The following CHTF18 variants were observed in gnomAD, a reference collection of about 807,000 sequenced individuals.
The protein encoded by CHTF18 is chromosome transmission fidelity factor 18.
Under a neutral mutation model 113.4 loss-of-function variants are expected in CHTF18, and 151 were observed. That is an observed-to-expected ratio of 1.33 (90% CI 1.17 to 1.52). The LOEUF (loss-of-function observed/expected upper bound fraction) is 1.52, where lower values mean the gene tolerates loss of function less well. Ranked by LOEUF, CHTF18 falls within the 40% of genes most tolerant of loss-of-function variation. The pLI is 0.00. For synonymous variants in CHTF18, 916 were observed against 598.8 expected, an observed-to-expected ratio of 1.53 and a Z score of -7.74; for missense variants, 1,982 against 1,381.6, an observed-to-expected ratio of 1.43 and a Z score of -6.89.
chr16:790,240 G>A lies in CHTF18; in HGVS notation c.670G>A (p.Ala224Thr), dbSNP rs374655699. Reference protein sequence around the residue: ...GQLDLLGVSLASLKKQVDGER... With the variant: ...GQLDLLGVSLTSLKKQVDGER... Reference sequence around the variant, plus strand: ...GCTGGACCTGCTGGGTGTGTCCTTAGCCTCCCTGAAGAAGCAGGTCGACGG... The same window carrying A: ...GCTGGACCTGCTGGGTGTGTCCTTAACCTCCCTGAAGAAGCAGGTCGACGG... Residue 224 changes from alanine to threonine, a missense_variant, in exon 5 of 22, where the codon GCC becomes ACC. By Grantham distance (58) the Ala-to-Thr change is moderately conservative (BLOSUM62 0). Coordinates refer to ENST00000262315, the MANE Select transcript of CHTF18 (RefSeq NM_022092.3). 1 of 1,606,866 alleles carries A rather than the reference G, an allele frequency of 6.2e-7. No homozygotes were observed. The highest frequency in any genetic ancestry group is 8.5e-7 in the Non-Finnish European group (1 of 1,177,598).
At position 794,216 on chromosome 16, in the gene CHTF18, C is replaced by A; in HGVS notation, c.1950+15C>A. 1.2e-6 allele frequency: 2 copies of A among 1,607,040 alleles called. No individual in the cohort carries two copies. The highest frequency in any genetic ancestry group is 1.7e-6 in the Non-Finnish European group (2 of 1,175,522). The stretch of plus-strand genomic sequence containing the variant: ...AGGTGGTCCAGGTACCTGTCTTCCA[C>A]CAAAATGCCTGCCTGGGGCCGCCTG... On this transcript the variant is annotated intron_variant, in intron 15 of 21. Coordinates refer to ENST00000262315, the MANE Select transcript of CHTF18 (RefSeq NM_022092.3).
rs888687893 is a variant in CHTF18, at chr16:789,742, G to A, written c.606+27G>A. 2.6e-6 allele frequency: 4 copies of A among 1,557,730 alleles called. No individual in the cohort carries two copies. In the South Asian group the frequency reaches 4.7e-5, roughly 18 times the overall value. ...TGCGTGGCTGTGGCCTTCCTGCACG[G>A]TGGGTGGGCCAGTGCTGCTCAGGAA... On this transcript the variant is annotated intron_variant, in intron 4 of 21. Transcript: ENST00000262315.
Position 792,733 on chromosome 16 carries a change from G to A in CHTF18, c.1494G>A (p.Leu498=), listed in dbSNP as rs1446372071. 2 of 1,557,622 alleles carry A rather than the reference G, an allele frequency of 1.3e-6. No individual in the cohort carries two copies. The highest frequency in any genetic ancestry group is 1.7e-6 in the Non-Finnish European group (2 of 1,156,082). ...CTCTCCTCAGGTTCGCACCGTCCCTGCGGCAGCTGAAGCAGCAGGCCTTCC... is the reference window on the plus strand; with the variant it reads ...CTCTCCTCAGGTTCGCACCGTCCCTACGGCAGCTGAAGCAGCAGGCCTTCC... The part of the protein sequence containing the change: ...CICNDQFAPS[L]RQLKQQAFLL... The change falls in exon 12 of 22, where the codon CTG becomes CTA. Residue 498 remains leucine, a synonymous_variant. Coordinates refer to ENST00000262315, the MANE Select transcript of CHTF18 (RefSeq NM_022092.3).
rs530388074 is a variant in CHTF18, at chr16:790,092, C to T, written c.607-85C>T. 856 of 1,539,272 alleles carry T rather than the reference C, an allele frequency of 5.6e-4. 1 individual carries two copies. The highest frequency in any genetic ancestry group is 6.3e-4 in the Admixed American group (32 of 51,026). ...GGCCAGCTTACTGGGGTTGTCCCAC[C>T]CGGGTCCCTGAGCACTGATGGGGGC... On this transcript the variant is annotated intron_variant, in intron 4 of 21. Transcript: ENST00000262315.
chr16:795,761 G>A lies in CHTF18; in HGVS notation c.2252G>A (p.Arg751Gln), dbSNP rs200036540. The A allele has an allele frequency of 2.6e-4, 413 of 1,608,566 alleles. No individual in the cohort carries two copies. In the African/African-American group the frequency reaches 4.8e-3, roughly 19 times the overall value. ...GGCATCGCGCCAGCCACGCGCAGCCGGGCCACGCCCCAGGCCCTGCTCCTC... is the reference window on the plus strand; with the variant it reads ...GGCATCGCGCCAGCCACGCGCAGCCAGGCCACGCCCCAGGCCCTGCTCCTC... ...VSGIAPATRS[R>Q]ATPQALLLDA... The change falls in exon 17 of 22, where the codon CGG becomes CAG. Residue 751 changes from arginine to glutamine, a missense_variant. Arg to Gln is a conservative substitution (Grantham distance 43). Transcript: ENST00000262315.
chr16:796,413 G>A (rs962152663), intron 18 of CHTF18, among the ~76,000 whole-genome samples: 2 of 152,224 alleles, frequency 1.3e-5, no homozygotes, highest in Non-Finnish European at 2.9e-5. Context: ...GAGGCATGGG[G>A]CAGTGGCCCC....
rs115699849 is a variant in CHTF18, at chr16:793,200, C to A, written c.1728C>A (p.Arg576=). ...GCGTGCGGGACGTGCAGGCCACACG[C>A]GTGGGCCTCAAGGACCAGCGCAGAG... ...ELSVRDVQAT[R]VGLKDQRRGL... is the part of the protein sequence containing the mutation. Residue 576 remains arginine, a synonymous_variant, in exon 14 of 22, where the codon CGC becomes CGA. Transcript: ENST00000262315. 43 of 1,608,906 alleles carry A rather than the reference C, an allele frequency of 2.7e-5. No homozygotes were observed. In the African/African-American group the frequency reaches 4.9e-4, roughly 18 times the overall value.
chr16:788,690 G>A lies in CHTF18; in HGVS notation c.6G>A (p.Glu2=). 1 of 1,592,528 alleles carries A rather than the reference G, an allele frequency of 6.3e-7. No individual in the cohort carries two copies. The highest frequency in any genetic ancestry group is 1.4e-5 in the African/African-American group (1 of 73,242). ...AGCTCGGGCTCGCGGACGGTATGGA[G>A]GACTACGAGCAGGAGCTGTGCGGCG... The part of the protein sequence containing the change: M[E]DYEQELCGVE... The change falls in exon 1 of 22, where the codon GAG becomes GAA. Residue 2 remains glutamate (E), a synonymous_variant. Coordinates refer to ENST00000262315, the MANE Select transcript of CHTF18 (RefSeq NM_022092.3).
intron 3 of CHTF18, 66 bp from the exon 4 acceptor site, chr16:789,481 G>C: frequency 1.3e-6 from 2 of 1,544,288 alleles, no homozygotes; most frequent in East Asian, 2.3e-5. Context: ...GAGCAGTCTC[G>C]GACACCCATA....
At chr16:796,148 C>T (rs1204459626) in intron 18 of CHTF18, 71 bp downstream of exon 18, 8 of 1,539,470 alleles carry the variant, frequency 5.2e-6, no homozygotes, top group Non-Finnish European at 7.0e-6. Flanking sequence ...TCAGGGCCCG[C>T]ATGGGGCCAG....
chr16:797,960 C>A lies in CHTF18; in HGVS notation c.2913C>A (p.Ile971=). 6.2e-7 allele frequency: 1 copy of A among 1,611,900 alleles called. No individual in the cohort carries two copies. Among genetic ancestry groups the A allele is most frequent in the Non-Finnish European group, 8.5e-7 (1 of 1,179,428 alleles). The change falls in exon 22 of 22, where the codon ATC becomes ATA. Residue 971 remains isoleucine (I), a synonymous_variant. Coordinates refer to ENST00000262315, the MANE Select transcript of CHTF18 (RefSeq NM_022092.3). ...VSNAVRRSLY[I]RDLL ...ACGCCGTGCGGCGCAGCCTGTACAT[C>A]AGGGACTTGCTCTAGTTCTCTGAGC...
chr16:793,931 G>A (rs760353386), intron 14 of CHTF18, 123 bp from the exon 15 acceptor site: 7 of 1,110,322 alleles, frequency 6.3e-6, no homozygotes, highest in Admixed American at 2.2e-5. Context: ...GGCAGCAAGG[G>A]CCCTGCTGAG....
rs377531170 is a variant in CHTF18 at position 792,308 on chromosome 16, C to T, written c.1287C>T (p.Pro429=). Residue 429 remains proline, a synonymous_variant, in exon 10 of 22, where the codon CCC becomes CCT. Transcript: ENST00000262315. ...CGGTGCTGGGTGCTGGCGGGAAGCC[C>T]AACTGCCTGGTCATCGATGAGATCG... is the stretch of plus-strand genomic sequence containing the variant. ...MESVLGAGGK[P]NCLVIDEIDG... 14 of 1,553,698 alleles carry T rather than the reference C, an allele frequency of 9.0e-6. No individual in the cohort carries two copies. Among genetic ancestry groups the T allele is most frequent in the Admixed American group, 1.9e-5 (1 of 51,368 alleles).
At chr16:794,004 T>C (rs751245572) in intron 14 of CHTF18, 50 bp from the exon 15 acceptor site, 2 of 1,580,532 alleles carry the variant, frequency 1.3e-6, no homozygotes, top group Admixed American at 3.4e-5. Flanking sequence ...CGGGTGGGGC[T>C]GCCTGTGCTT....
rs765287113 is a variant in CHTF18 at position 796,832 on chromosome 16, G to A, written c.2572G>A (p.Ala858Thr). Reference protein sequence around the residue: ...IEVEKMRRAEASARVENSPQV... With the variant: ...IEVEKMRRAETSARVENSPQV... ...GGTGGAGAAGATGCGGCGGGCGGAG[G>A]CTTCTGCCCGGGTAGAGAACAGCCC... The change falls in exon 19 of 22, where the codon GCT becomes ACT. Residue 858 changes from alanine to threonine, a missense_variant. Ala to Thr is a moderately conservative substitution (Grantham distance 58, BLOSUM62 0). Transcript: ENST00000262315. 3 of 1,607,192 alleles carry A rather than the reference G, an allele frequency of 1.9e-6. No homozygotes were observed. Among genetic ancestry groups the A allele is most frequent in the Non-Finnish European group, 2.5e-6 (3 of 1,178,758 alleles).
At chr16:797,808 A>G (rs1419987045) in intron 21 of CHTF18, 31 bp from the exon 22 acceptor site, 3 of 1,588,366 alleles carry the variant, frequency 1.9e-6, no homozygotes, top group Non-Finnish European at 2.6e-6. Context: ...GGGGGGCCTT[A>G]CAGCTGAGGA....
rs575116520 is a variant in CHTF18, at chr16:788,653, G to A, written c.-32G>A. Reference sequence around the variant, plus strand: ...CGCGACGGCGGCGGCGGCGCGGGAGGTTCGGAGCGGGAGCTCGGGCTCGCG... The same window carrying A: ...CGCGACGGCGGCGGCGGCGCGGGAGATTCGGAGCGGGAGCTCGGGCTCGCG... On this transcript the variant is annotated 5_prime_UTR_variant, in exon 1 of 22. Transcript: ENST00000262315. 11 of 1,487,056 alleles carry A rather than the reference G, an allele frequency of 7.4e-6. No homozygotes were observed. The highest frequency in any genetic ancestry group is 2.3e-5 in the Admixed American group (1 of 42,602). 92.1% of individuals were successfully genotyped at this position (1,487,056 alleles called of 1,614,324 possible).
rs1278103123 is a variant in CHTF18 at position 789,151 on chromosome 16, C to T, written c.286+26C>T. Reference sequence around the variant, plus strand: ...GTAGGTTGGCGGCATTGCCCCAGGGCCTCCGGAGTGGGCGCGAGGCTGAGG... The same window carrying T: ...GTAGGTTGGCGGCATTGCCCCAGGGTCTCCGGAGTGGGCGCGAGGCTGAGG... On this transcript the variant is annotated intron_variant, in intron 2 of 21. Transcript: ENST00000262315. 7 of 1,549,428 alleles carry T rather than the reference C, an allele frequency of 4.5e-6. No homozygotes were observed. The East Asian group carries it at 7.3e-5, about 16-fold the overall frequency.
intron 20 of CHTF18, 65 bp from the exon 21 acceptor site, chr16:797,629 T>C: frequency 6.4e-7 from 1 of 1,564,658 alleles, no homozygotes; most frequent in Non-Finnish European, 8.8e-7. Context: ...TCGGTCCTCC[T>C]GTCTTGGGTA....
Sources: allele counts gnomAD v4.1 joint callset (sites outside exome capture counted in the v4.1 genomes callset), GRCh38; gene constraint gnomAD v4.1.1; transcripts MANE v1.5; gene names NCBI Gene and HGNC (gene_info 2026-07-23, HGNC 2026-07-21).